The following CUL3 variants were observed in gnomAD, a reference collection of about 807,000 sequenced individuals.
CUL3 encodes cullin 3.
Under a neutral mutation model 89.1 loss-of-function variants are expected in CUL3, and 19 were observed. The ratio of observed to expected loss-of-function variants is 0.21; its 90% CI spans 0.15 to 0.31. The LOEUF is 0.31. Among genes scored for constraint, CUL3 ranks in the 10% least tolerant of loss-of-function variants. The probability of loss-of-function intolerance (pLI) is 1.00; values close to 1 mark genes in which losing one functional copy is unlikely to be tolerated. For missense variants in CUL3, 469 were observed against 942.3 expected (o/e 0.50, Z 6.58); for synonymous variants, 351 against 308.4 (o/e 1.14, Z -1.45).
At chr2:224,540,110 C>T (rs1430843432) in intron 2 of CUL3, among the ~76,000 whole-genome samples, 1 of 150,642 alleles carries the variant, frequency 6.6e-6, no homozygotes, top group Non-Finnish European at 1.5e-5. Context: ...AGGCTGGGGT[C>T]CAGTGGCGCA....
At chr2:224,521,480 G>A (rs946159868) in intron 3 of CUL3, among the ~76,000 whole-genome samples, 3 of 151,322 alleles carry the variant, frequency 2.0e-5, no homozygotes, top group African/African-American at 7.3e-5. Flanking sequence ...GCCCAGGCTG[G>A]AGTGCAGTGG....
intron 9 of CUL3, 130 bp from the exon 10 acceptor site, chr2:224,503,202 C>T: frequency 1.4e-6 from 1 of 692,744 alleles, no homozygotes; most frequent in Non-Finnish European, 2.5e-6. Flanking sequence ...CCAACAGTTG[C>T]TCTGTGCCTG....
intron 11 of CUL3, among the ~76,000 whole-genome samples, chr2:224,499,063 G>A (rs150880830): frequency 2.0e-5 from 3 of 152,114 alleles, no homozygotes; most frequent in African/African-American, 7.2e-5. Flanking sequence ...TTAAAAATAC[G>A]TATCTCCTGG....
intron 1 of CUL3, among the ~76,000 whole-genome samples, chr2:224,572,231 C>CA (rs1258513824): frequency 6.6e-6 from 1 of 152,126 alleles, no homozygotes; most frequent in Non-Finnish European, 1.5e-5. Flanking sequence ...TTTCTCTAGA[C>CA]CCCTGTTTGC....
rs1363467446 is a variant in CUL3 at position 224,511,537 on chromosome 2, T to C, written c.700A>G (p.Ile234Val). The change falls in exon 6 of 16, where the codon ATA becomes GTA. Residue 234 changes from isoleucine to valine, a missense_variant. Around this residue, in one of 4 missense-constraint regions of CUL3, gnomAD observed 370 missense variants for 733.2 expected, o/e 0.50. Coordinates refer to ENST00000264414, the MANE Select transcript of CUL3 (RefSeq NM_003590.5). Reference protein sequence around the residue: ...FLAENSASVYIKKVEARINEE... With the variant: ...FLAENSASVYVKKVEARINEE... ...TTAATTCTAGCTTCTACTTTCTTTA[T>C]ATATACTGAAGCACTATTTTCTGCT... The C allele has an allele frequency of 1.9e-6, 3 of 1,612,880 alleles. No homozygotes were observed. Among genetic ancestry groups the C allele is most frequent in the South Asian group, 1.1e-5 (1 of 90,934 alleles).
rs901136479 is a variant in CUL3, at chr2:224,566,412, G to A, written c.67-8556C>T. On this transcript the variant is annotated intron_variant, in intron 1 of 15. Coordinates refer to ENST00000264414, the MANE Select transcript of CUL3 (RefSeq NM_003590.5). The stretch of plus-strand genomic sequence containing the variant: ...TCAAAAACCTGACTGCACTTGCACA[G>A]AACAGCAGAGTTAGCTTATCCCTTC... Among the ~76,000 whole-genome samples the A allele has an allele frequency of 2.6e-5, 4 of 152,222 alleles. 1 individual carries two copies. Among genetic ancestry groups the A allele is most frequent in the Non-Finnish European group, 5.9e-5 (4 of 68,036 alleles).
In CUL3 at chr2:224,511,459, T is replaced by C. The variant is rs748814630; in HGVS notation, c.778A>G (p.Ile260Val). 9.3e-6 allele frequency: 15 copies of C among 1,613,560 alleles called. No homozygotes were observed. The highest frequency in any genetic ancestry group is 2.7e-5 in the African/African-American group (2 of 74,922). Residue 260 changes from isoleucine (I) to valine (V), a missense_variant, in exon 6 of 16, where the codon ATT becomes GTT. By Grantham distance (29) the Ile-to-Val change is conservative (BLOSUM62 3). This residue lies in a region of CUL3 where 370 missense variants were observed against 733.2 expected (regional missense o/e 0.50). Coordinates refer to ENST00000264414, the MANE Select transcript of CUL3 (RefSeq NM_003590.5). ...AGTTCCCTTTCAACCACCTTTACAA[T>C]TGGTTCTTCCGTTGATTTGTCAAGG... is the stretch of plus-strand genomic sequence containing the variant. ...HCLDKSTEEPIVKVVERELIS... is the reference protein window; with the variant it reads ...HCLDKSTEEPVVKVVERELIS...
chr2:224,483,363 G>T (rs1691599773), intron 13 of CUL3, among the ~76,000 whole-genome samples: 1 of 152,092 alleles, frequency 6.6e-6, no homozygotes, highest in African/African-American at 2.4e-5. Flanking sequence ...TTATAGTGGG[G>T]AATTCTTAGC....
Position 224,506,102 on chromosome 2 carries a change from G to T in CUL3, c.1060C>A (p.Arg354Ser). 1.2e-6 allele frequency: 2 copies of T among 1,605,236 alleles called. No individual in the cohort carries two copies. The highest frequency in any genetic ancestry group is 1.7e-6 in the Non-Finnish European group (2 of 1,175,444). The change falls in exon 8 of 16, where the codon CGC (arginine) becomes AGC (serine). Residue 354 changes from arginine to serine, a missense_variant. Transcript: ENST00000264414. ...TTGTTGAATGATTCCAGGAGGAAGCGATCGAACCTACTCTTCAGATCCAAT... is the reference window on the plus strand; with the variant it reads ...TTGTTGAATGATTCCAGGAGGAAGCTATCGAACCTACTCTTCAGATCCAAT... ...GLLDLKSRFD[R>S]FLLESFNNDR...
At chr2:224,509,206 A>G (rs1692718967) in intron 6 of CUL3, among the ~76,000 whole-genome samples, 1 of 152,078 alleles carries the variant, frequency 6.6e-6, no homozygotes, top group Non-Finnish European at 1.5e-5. Context: ...GCTCAGAAAA[A>G]TTAACCCCCC....
At chr2:224,571,433 T>C (rs1695177790) in intron 1 of CUL3, among the ~76,000 whole-genome samples, 1 of 152,084 alleles carries the variant, frequency 6.6e-6, no homozygotes, top group South Asian at 2.1e-4. Flanking sequence ...CTCTATAAAC[T>C]GTAAGACAAT....
intron 3 of CUL3, among the ~76,000 whole-genome samples, chr2:224,523,444 T>G (rs563485398): frequency 1.3e-5 from 2 of 149,466 alleles, no homozygotes; most frequent in Non-Finnish European, 3.0e-5. Flanking sequence ...GTGGAAAAAT[T>G]AGAGCTCTCG....
Position 224,523,495 on chromosome 2 carries a change from G to A in CUL3, c.379-8723C>T, listed in dbSNP as rs1331328831. Among the ~76,000 whole-genome samples the A allele has an allele frequency of 3.3e-5, 5 of 151,854 alleles. No individual in the cohort carries two copies. The East Asian group carries it at 7.7e-4, about 23-fold the overall frequency. On this transcript the variant is annotated intron_variant, in intron 3 of 15. Coordinates refer to ENST00000264414, the MANE Select transcript of CUL3 (RefSeq NM_003590.5). The stretch of plus-strand genomic sequence containing the variant: ...AACCTAAGATAGTATAGCTGCTGTG[G>A]AAAGCAATATAGCAGTTCCTCAAAA...
At chr2:224,524,464 T>A (rs1156499530) in intron 3 of CUL3, among the ~76,000 whole-genome samples, 1 of 152,146 alleles carries the variant, frequency 6.6e-6, no homozygotes, top group Non-Finnish European at 1.5e-5. Flanking sequence ...TGAAGATCTG[T>A]GCTGAAGAGA....
intron 3 of CUL3, among the ~76,000 whole-genome samples, chr2:224,533,842 G>T (rs1451553862): frequency 6.6e-6 from 1 of 152,078 alleles, no homozygotes; most frequent in African/African-American, 2.4e-5. Flanking sequence ...AAGTGAAGTG[G>T]CCTCTCCCTG....
chr2:224,569,054 G>A (rs1221149320), intron 1 of CUL3, among the ~76,000 whole-genome samples: 1 of 152,008 alleles, frequency 6.6e-6, no homozygotes, highest in Admixed American at 6.6e-5. Context: ...CTTCATTCCA[G>A]GAGCAATAAA....
chr2:224,478,102 T>C, intron 15 of CUL3, 98 bp downstream of exon 15: 1 of 1,274,402 alleles, frequency 7.8e-7, no homozygotes, highest in South Asian at 1.8e-5. Context: ...CTAGGATTTC[T>C]TAATTGTAAA....
chr2:224,504,747 A>T (rs1392271634), intron 8 of CUL3, among the ~76,000 whole-genome samples: 1 of 152,224 alleles, frequency 6.6e-6, no homozygotes, highest in African/African-American at 2.4e-5. Context: ...CCCTTATTGC[A>T]GCTACTGCCT....
rs574928642 is a variant in CUL3, at chr2:224,561,842, A to G, written c.67-3986T>C. Among the ~76,000 whole-genome samples, 44 of 152,342 alleles carry G rather than the reference A, an allele frequency of 2.9e-4. 1 individual carries two copies. The highest frequency in any genetic ancestry group is 3.9e-4 in the Admixed American group (6 of 15,302). ...GCAATGTGGTTTTAGTTTGTTGACT[A>G]CATATGCTGAGGTTCTAATAAAGCA... On this transcript the variant is annotated intron_variant, in intron 1 of 15. Transcript: ENST00000264414.
Sources: allele counts gnomAD v4.1 joint callset (sites outside exome capture counted in the v4.1 genomes callset), GRCh38; gene constraint gnomAD v4.1.1; regional missense constraint gnomAD v4.1.1; transcripts MANE v1.5; gene names NCBI Gene and HGNC (gene_info 2026-07-23, HGNC 2026-07-21).